PRKCZ: variants seen among roughly 807,000 people sequenced by gnomAD.
PRKCZ encodes the protein protein kinase C zeta.
PRKCZ carries 33 observed loss-of-function variants against 79.5 expected under a neutral mutation model. That is an observed-to-expected ratio of 0.41 (90% confidence interval 0.31 to 0.55). The LOEUF (loss-of-function observed/expected upper bound fraction) is 0.55. PRKCZ is among the 20% of genes least tolerant of loss of function. The pLI, the probability that PRKCZ is intolerant of heterozygous loss-of-function variation, is 0.19. For synonymous variants in PRKCZ, 342 were observed against 320.9 expected, an observed-to-expected ratio of 1.07 and a Z score of -0.70; for missense variants, 578 against 813.5, an observed-to-expected ratio of 0.71 and a Z score of 3.52.
In PRKCZ at chr1:2,165,492, C is replaced by T. The variant is rs1683140820; in HGVS notation, c.975-4026C>T. On this transcript the variant is annotated intron_variant, in intron 10 of 17. Transcript: ENST00000378567. This position sits in a 1 kb window ranked among gnomAD's most constrained non-coding sequence, Gnocchi z 4.1. Reference sequence around the variant, plus strand: ...TACTTCCTGGTGATGGGGTCAAGTGCGTTAACACAGAGGGACTTGGAGACT... The same window carrying T: ...TACTTCCTGGTGATGGGGTCAAGTGTGTTAACACAGAGGGACTTGGAGACT... 1.3e-5 allele frequency among the ~76,000 whole-genome samples: 2 copies of T among 152,192 alleles called. No individual in the cohort carries two copies. Among genetic ancestry groups the T allele is most frequent in the Admixed American group, 1.3e-4 (2 of 15,282 alleles).
intron 3 of PRKCZ, among the ~76,000 whole-genome samples, chr1:2,057,608 G>A (rs1660289044): frequency 6.6e-6 from 1 of 152,118 alleles, no homozygotes; most frequent in African/African-American, 2.4e-5. Flanking sequence ...GCTCACAACT[G>A]TAATCCCAGC....
chr1:2,104,743 GGA>G, intron 4 of PRKCZ: 1 of 985,758 alleles, frequency 1.0e-6, no homozygotes, highest in Non-Finnish European at 1.2e-6. Context: ...CAGACAGGCA[GGA>G]CGCAGCGGGC....
Position 2,175,318 on chromosome 1 carries a change from A to G in PRKCZ, c.1575+5A>G. The G allele has an allele frequency of 6.2e-7, 1 of 1,609,740 alleles. No individual in the cohort carries two copies. Among genetic ancestry groups the G allele is most frequent in the Non-Finnish European group, 8.5e-7 (1 of 1,176,564 alleles). On this transcript the variant is annotated splice_donor_5th_base_variant and intron_variant, in intron 16 of 17. Transcript: ENST00000378567. Reference sequence around the variant, plus strand: ...CGCAGCATAGACTGGGACTTGGTAAAGCATCACAAAGCCTATTTGCACCCC... The same window carrying G: ...CGCAGCATAGACTGGGACTTGGTAAGGCATCACAAAGCCTATTTGCACCCC...
chr1:2,164,112 A>G (rs1032646035), intron 10 of PRKCZ, among the ~76,000 whole-genome samples: 2 of 152,056 alleles, frequency 1.3e-5, no homozygotes, highest in African/African-American at 4.8e-5. Flanking sequence ...TCTGAATTCA[A>G]TTTGCTGATA....
At chr1:2,057,369 C>T (rs755224149) in intron 3 of PRKCZ, among the ~76,000 whole-genome samples, 5 of 152,314 alleles carry the variant, frequency 3.3e-5, no homozygotes, top group East Asian at 3.9e-4. Context: ...TGTGGCCAGC[C>T]GGTCACGTCT....
intron 4 of PRKCZ, among the ~76,000 whole-genome samples, chr1:2,119,275 C>T (rs1043209206): frequency 4.2e-4 from 57 of 137,164 alleles, no homozygotes; most frequent in African/African-American, 1.4e-3. Flanking sequence ...AGTGCAAGGG[C>T]GCGATTTTGG....
intron 5 of PRKCZ, chr1:2,142,695 G>A (rs1677625370): frequency 6.0e-6 from 1 of 165,580 alleles, no homozygotes; most frequent in African/African-American, 2.4e-5. Flanking sequence ...CTGTGACGAA[G>A]TTGAAAGCGA....
chr1:2,154,510 G>T (rs959897970), intron 9 of PRKCZ, among the ~76,000 whole-genome samples: 1 of 152,088 alleles, frequency 6.6e-6, no homozygotes, highest in African/African-American at 2.4e-5. Flanking sequence ...CCGGGAGTGG[G>T]GGCAGGCAAC....
At chr1:2,126,633 C>G (rs554114774) in intron 4 of PRKCZ, among the ~76,000 whole-genome samples, 1 of 152,326 alleles carries the variant, frequency 6.6e-6, no homozygotes, top group Admixed American at 6.5e-5. Context: ...CTTGGGGCAT[C>G]AGAGCCACCC....
At chr1:2,137,687 G>A (rs531160319) in intron 5 of PRKCZ, among the ~76,000 whole-genome samples, 1 of 152,366 alleles carries the variant, frequency 6.6e-6, no homozygotes, top group Admixed American at 6.5e-5. Flanking sequence ...GCAGCACAGG[G>A]TGTGGCCTCT....
chr1:2,114,194 G>A (rs1297274908), intron 4 of PRKCZ, among the ~76,000 whole-genome samples: 1 of 150,900 alleles, frequency 6.6e-6, no homozygotes, highest in Non-Finnish European at 1.5e-5. Flanking sequence ...GGGAGGACGT[G>A]GAAGGAGGGA....
intron 5 of PRKCZ, chr1:2,143,460 C>T (rs1677822939): frequency 6.6e-6 from 1 of 152,218 alleles, no homozygotes; most frequent in South Asian, 2.1e-4. Context: ...AGGCTCTGGG[C>T]ACATGGTGAC....
At chr1:2,068,058 C>T (rs781074626) in intron 4 of PRKCZ, among the ~76,000 whole-genome samples, 18 of 152,198 alleles carry the variant, frequency 1.2e-4, no homozygotes, top group Non-Finnish European at 2.1e-4. Flanking sequence ...GCGGCCCTGT[C>T]GGCCTGAGCC....
At chr1:2,093,850 C>T (rs966545310) in intron 4 of PRKCZ, among the ~76,000 whole-genome samples, 1 of 152,126 alleles carries the variant, frequency 6.6e-6, no homozygotes, top group African/African-American at 2.4e-5. Context: ...TTGGCGGGCA[C>T]GGGACGAGCC....
intron 4 of PRKCZ, among the ~76,000 whole-genome samples, chr1:2,102,592 A>G (rs1002625158): frequency 2.6e-5 from 4 of 152,146 alleles, no homozygotes; most frequent in South Asian, 2.1e-4. Flanking sequence ...TTGGCCTCCC[A>G]AAGTGCTAGG....
intron 4 of PRKCZ, among the ~76,000 whole-genome samples, chr1:2,131,090 C>T (rs1039835211): frequency 2.6e-5 from 4 of 152,144 alleles, no homozygotes; most frequent in East Asian, 1.9e-4. Context: ...GGCGTGGCCT[C>T]GCCTCTGTGG....
intron 4 of PRKCZ, among the ~76,000 whole-genome samples, chr1:2,089,181 T>C (rs999676775): frequency 1.7e-4 from 26 of 152,182 alleles, no homozygotes; most frequent in African/African-American, 6.3e-4. Context: ...AGAACTCATT[T>C]CCCTGTTCGC....
chr1:2,081,824 C>T (rs1254871494), intron 4 of PRKCZ, among the ~76,000 whole-genome samples: 1 of 152,034 alleles, frequency 6.6e-6, no homozygotes, highest in African/African-American at 2.4e-5. Context: ...CACTGCCGCC[C>T]CGCCCCCCAG....
chr1:2,130,329 C>G (rs954376985), intron 4 of PRKCZ, among the ~76,000 whole-genome samples: 3 of 152,228 alleles, frequency 2.0e-5, no homozygotes, highest in African/African-American at 7.2e-5. Context: ...TTCACTGAGG[C>G]AAGACCCAGA....
Sources: allele counts gnomAD v4.1 joint callset (sites outside exome capture counted in the v4.1 genomes callset), GRCh38; gene constraint gnomAD v4.1.1; non-coding constraint Gnocchi (gnomAD v3.1); transcripts MANE v1.5; gene names NCBI Gene and HGNC (gene_info 2026-07-23, HGNC 2026-07-21).